The following ZDHHC15 variants were observed in gnomAD, a reference collection of about 807,000 sequenced individuals.
ZDHHC15 encodes the protein zDHHC palmitoyltransferase 15.
In ZDHHC15, 19 loss-of-function variants were observed where a neutral mutation model predicts 31.7. That is an observed-to-expected ratio of 0.60 (90% CI 0.42 to 0.88). The LOEUF is 0.88. Among genes scored for constraint, ZDHHC15 ranks in the 40% least tolerant of loss-of-function variants. The probability of loss-of-function intolerance (pLI) is 0.00; values close to 1 mark genes in which losing one functional copy is unlikely to be tolerated. For synonymous variants in ZDHHC15, 103 were observed against 90.0 expected (o/e 1.14, Z -0.82); for missense variants, 209 against 251.2 (o/e 0.83, Z 1.14).
At chrX:75,449,436 A>G (rs1158349148) in intron 4 of ZDHHC15, among the ~76,000 whole-genome samples, 2 of 111,570 alleles carry the variant, frequency 1.8e-5, no homozygotes, top group East Asian at 5.6e-4. Flanking sequence ...GGTAAGTACC[A>G]TTACCCAGAT....
intron 3 of ZDHHC15, among the ~76,000 whole-genome samples, chrX:75,468,627 T>C (rs1000451401): frequency 8.9e-6 from 1 of 111,917 alleles, no homozygotes; most frequent in African/African-American, 3.2e-5. Context: ...ATATTTAACT[T>C]CATGAAAATT....
intron 2 of ZDHHC15, among the ~76,000 whole-genome samples, chrX:75,492,216 A>C (rs762992553): frequency 8.9e-6 from 1 of 111,897 alleles, no homozygotes; most frequent in Non-Finnish European, 1.9e-5. Flanking sequence ...GGATCAATTC[A>C]ATAAGAAGAG....
chrX:75,383,879 C>T (rs2083149532), intron 10 of ZDHHC15, among the ~76,000 whole-genome samples: 1 of 104,819 alleles, frequency 9.5e-6, no homozygotes, highest in Admixed American at 1.1e-4. Context: ...GCTGGGACTA[C>T]AGGCATCCCC....
intron 4 of ZDHHC15, among the ~76,000 whole-genome samples, chrX:75,446,767 G>T (rs1488076691): frequency 9.0e-6 from 1 of 111,100 alleles, no homozygotes; most frequent in East Asian, 2.9e-4. Flanking sequence ...ATGGTGAAAG[G>T]GGCAAAGCAG....
chrX:75,522,787 C>T, intron 1 of ZDHHC15, 102 bp downstream of exon 1: 1 of 1,075,833 alleles, frequency 9.3e-7, no homozygotes. Flanking sequence ...AGGAAAACCG[C>T]AGAGAGAAGG....
chrX:75,520,216 G>A (rs2085423467), intron 1 of ZDHHC15, among the ~76,000 whole-genome samples: 2 of 112,014 alleles, frequency 1.8e-5, no homozygotes, highest in Admixed American at 1.9e-4. Flanking sequence ...GCAGTGTGGT[G>A]CAAGTATGTT....
intron 3 of ZDHHC15, among the ~76,000 whole-genome samples, chrX:75,471,796 C>A (rs1409413838): frequency 8.9e-6 from 1 of 111,857 alleles, no homozygotes; most frequent in Non-Finnish European, 1.9e-5. Flanking sequence ...TTGTCAGTGG[C>A]AGATAGGGAT....
chrX:75,499,343 C>T (rs1250959422), intron 2 of ZDHHC15, among the ~76,000 whole-genome samples: 1 of 111,721 alleles, frequency 9.0e-6, no homozygotes, highest in Non-Finnish European at 1.9e-5. Flanking sequence ...AACAGAAAAT[C>T]TACAGAATGG....
chrX:75,466,747 C>A (rs2084413276), intron 3 of ZDHHC15, among the ~76,000 whole-genome samples: 1 of 110,650 alleles, frequency 9.0e-6, no homozygotes, highest in Non-Finnish European at 1.9e-5. Flanking sequence ...TTTACAGGGA[C>A]ATGGGTGGAG....
intron 1 of ZDHHC15, among the ~76,000 whole-genome samples, chrX:75,511,490 T>A (rs1335081491): frequency 4.5e-5 from 3 of 66,860 alleles, no homozygotes; most frequent in Non-Finnish European, 8.3e-5. Context: ...CTTTGTCAGA[T>A]GAGTAGGTTG....
chrX:75,480,149 GA>G (rs1450906145), intron 2 of ZDHHC15, among the ~76,000 whole-genome samples: 1 of 106,656 alleles, frequency 9.4e-6, no homozygotes, highest in South Asian at 4.4e-4. Flanking sequence ...TAATTGAATT[GA>G]AAAAAAAAGA....
chrX:75,370,515 T>C lies in ZDHHC15; in HGVS notation c.*2463A>G. 1 of 62,118 alleles carries C rather than the reference T, an allele frequency of 1.6e-5. No homozygotes were observed. The highest frequency in any genetic ancestry group is 3.3e-5 in the Non-Finnish European group (1 of 30,619). 5.1% of individuals were successfully genotyped at this position (62,118 alleles called of 1,213,427 possible). A position where few individuals can be genotyped will look rare whatever the true frequency, so the allele number is the denominator to read the frequency against. On this transcript the variant is annotated 3_prime_UTR_variant, in exon 12 of 12. Transcript: ENST00000373367. ...TCTGAGCCCCTGGTAAAACCCTGAT[T>C]TATTTGGCTTTTTTTTTTTTTTTTT...
intron 10 of ZDHHC15, among the ~76,000 whole-genome samples, chrX:75,390,098 A>G (rs1169979107): frequency 2.7e-5 from 3 of 111,920 alleles, no homozygotes; most frequent in Non-Finnish European, 5.6e-5. Context: ...GGCCTGGGGC[A>G]GTAGTGGCCA....
chrX:75,421,828 C>T, intron 9 of ZDHHC15, 36 bp downstream of exon 9: 1 of 1,200,015 alleles, frequency 8.3e-7, no homozygotes, highest in Non-Finnish European at 1.1e-6. Context: ...AGGCAGGGTC[C>T]AGTACTAACT....
At chrX:75,389,050 A>G (rs925248615) in intron 10 of ZDHHC15, among the ~76,000 whole-genome samples, 1 of 111,415 alleles carries the variant, frequency 9.0e-6, no homozygotes, top group African/African-American at 3.3e-5. Flanking sequence ...TGAACTTGGG[A>G]GAGGGAGAGT....
In ZDHHC15 at chrX:75,495,031, T is replaced by G. The variant is rs1236634631; in HGVS notation, c.163+10790A>C. On this transcript the variant is annotated intron_variant, in intron 2 of 11. Transcript: ENST00000373367. ...ATGGGAGAAAAGTTTTGCAATATACTCATCTGTCAAAGGGCTAATATCCAG... is the reference window on the plus strand; with the variant it reads ...ATGGGAGAAAAGTTTTGCAATATACGCATCTGTCAAAGGGCTAATATCCAG... Among the ~76,000 whole-genome samples the G allele has an allele frequency of 2.7e-5, 3 of 111,156 alleles. No homozygotes were observed. The Admixed American group carries it at 2.9e-4, about 11-fold the overall frequency.
intron 2 of ZDHHC15, among the ~76,000 whole-genome samples, chrX:75,495,887 T>G (rs1320556495): frequency 9.4e-6 from 1 of 106,322 alleles, no homozygotes; most frequent in Non-Finnish European, 1.9e-5. Context: ...CATATGTAAC[T>G]AACCTGCACA....
rs1251219346 is a variant in ZDHHC15, at chrX:75,477,303, G to A, written c.258+1588C>T. On this transcript the variant is annotated intron_variant, in intron 3 of 11. Transcript: ENST00000373367. The stretch of plus-strand genomic sequence containing the variant: ...TATGGTCTATACTGGAAAATGTTCT[G>A]CGTACACTTAGGAAGAAAGTACATT... 1.6e-4 allele frequency among the ~76,000 whole-genome samples: 18 copies of A among 111,220 alleles called. No individual in the cohort carries two copies. In the Admixed American group the frequency reaches 1.6e-3, roughly 10 times the overall value.
chrX:75,387,307 T>C (rs77529282), intron 10 of ZDHHC15, among the ~76,000 whole-genome samples: 2,725 of 111,423 alleles, frequency 0.024, 186 homozygotes, highest in East Asian at 0.23. Flanking sequence ...ACCATAACCT[T>C]CCCAAATGGA....
Sources: gnomAD v4.1 joint callset for allele counts (sites outside exome capture counted in the v4.1 genomes callset) on GRCh38, gnomAD v4.1.1 for gene constraint, MANE v1.5 for transcripts, NCBI Gene and HGNC (gene_info 2026-07-23, HGNC 2026-07-21) for gene names.